Variants in MARF1 observed in about 807,000 individuals in gnomAD.
The protein encoded by MARF1 is limkain-b1.
A neutral mutation model predicts 168.2 loss-of-function variants in MARF1; 24 were observed. That is an observed-to-expected ratio of 0.14 (90% CI 0.10 to 0.20). The LOEUF (loss-of-function observed/expected upper bound fraction) is 0.20, where lower values mean the gene tolerates loss of function less well. MARF1 is among the 10% of genes least tolerant of loss of function. The pLI is 1.00. For synonymous variants in MARF1, 868 were observed against 822.4 expected (o/e 1.06, Z -0.95); for missense variants, 1,744 against 2,143.6 (o/e 0.81, Z 3.68).
At chr16:15,623,215 A>G (rs1466741167) in intron 10 of MARF1, 92 bp from the exon 11 acceptor site, 3 of 947,952 alleles carry the variant, frequency 3.2e-6, no homozygotes, top group Non-Finnish European at 4.3e-6. Flanking sequence ...CTATATACAG[A>G]AGCAGATTTT....
chr16:15,618,753 C>T (rs1161137541), intron 13 of MARF1, among the ~76,000 whole-genome samples: 2 of 152,310 alleles, frequency 1.3e-5, no homozygotes, highest in South Asian at 4.1e-4. Context: ...TACTTCTCTC[C>T]CAAAGAAGTC....
intron 11 of MARF1, 106 bp downstream of exon 11, chr16:15,622,828 G>T: frequency 1.1e-6 from 1 of 877,284 alleles, no homozygotes; most frequent in Non-Finnish European, 1.7e-6. Flanking sequence ...AACTTGTTCA[G>T]TCACACTTCT....
chr16:15,635,139 A>G, intron 3 of MARF1: 1 of 523,250 alleles, frequency 1.9e-6, no homozygotes, highest in South Asian at 3.2e-5. Context: ...CATGATCAAG[A>G]AAGATATTCA....
At position 15,600,468 on chromosome 16, in the gene MARF1, C is replaced by T. The variant is rs191368547; in HGVS notation, c.4773G>A (p.Ser1591=). The change falls in exon 25 of 27, where the codon TCG becomes TCA. Residue 1591 remains serine (S), a synonymous_variant. Coordinates refer to ENST00000396368, the MANE Select transcript of MARF1 (RefSeq NM_014647.4). ...EGERILEVPE[S]HTASELKLGA... is the part of the protein sequence containing the mutation. ...CAAGCTTGAGTTCCGAGGCTGTGTG[C>T]GATTCGGGCACCTCCAGGATGCGCT... 3.8e-4 allele frequency: 618 copies of T among 1,614,156 alleles called. No individual in the cohort carries two copies. The African/African-American group carries it at 7.2e-3, about 19-fold the overall frequency.
intron 15 of MARF1, 190 bp downstream of exon 15, chr16:15,616,862 C>G (rs775001636): frequency 1.6e-6 from 1 of 629,710 alleles, no homozygotes; most frequent in Non-Finnish European, 2.8e-6. Context: ...GACCACTGTC[C>G]TATATACAGT....
At chr16:15,621,647 T>A in intron 12 of MARF1, 86 bp downstream of exon 12, 2 of 1,273,182 alleles carry the variant, frequency 1.6e-6, no homozygotes, top group Non-Finnish European at 2.2e-6. Flanking sequence ...GGGGTGGGAA[T>A]GTGATTGAAT....
chr16:15,598,780 A>C (rs1433574974), intron 26 of MARF1, 74 bp downstream of exon 26: 7 of 1,418,424 alleles, frequency 4.9e-6, no homozygotes, highest in Non-Finnish European at 5.0e-6. Context: ...TCCGTCATTT[A>C]CTATATCAGT....
intron 21 of MARF1, among the ~76,000 whole-genome samples, chr16:15,606,930 C>A (rs1246226600): frequency 1.3e-5 from 2 of 152,196 alleles, no homozygotes; most frequent in African/African-American, 4.8e-5. Context: ...TCCAGATGAC[C>A]TGGGCCATTT....
rs1211385618 is a variant in MARF1, at chr16:15,636,121, A to AC, written c.365dup (p.Ser123Ter). On this transcript the variant is annotated frameshift_variant, in exon 3 of 27. Coordinates refer to ENST00000396368, the MANE Select transcript of MARF1 (RefSeq NM_014647.4). LOFTEE classifies it high-confidence loss of function. ...GAATCAAGCTACTGGTACCTCCGCT[A>AC]CCGCCACCACCACCACCAAAACGCA... 6.2e-7 allele frequency: 1 copy of AC among 1,613,958 alleles called. No individual in the cohort carries two copies. The highest frequency in any genetic ancestry group is 1.3e-5 in the African/African-American group (1 of 74,810).
chr16:15,601,482 A>T, intron 23 of MARF1: 1 of 219,440 alleles, frequency 4.6e-6, no homozygotes, highest in South Asian at 7.2e-5. Context: ...GCCCTCCCTA[A>T]CCGAGCTCTC....
chr16:15,601,364 G>C (rs1443809847), intron 23 of MARF1: 1 of 288,872 alleles, frequency 3.5e-6, no homozygotes, highest in African/African-American at 2.2e-5. Context: ...CTCCATGCCT[G>C]CTTCTCTCGG....
Position 15,633,791 on chromosome 16 carries a change from A to G in MARF1, c.1059T>C (p.Ile353=). 1.2e-6 allele frequency: 2 copies of G among 1,614,046 alleles called. No individual in the cohort carries two copies. The highest frequency in any genetic ancestry group is 1.7e-6 in the Non-Finnish European group (2 of 1,179,990). The part of the protein sequence containing the change: ...AGQVLENLPP[I]GVFWDIENCS... ...AGTTTTCAATATCCCAAAAAACTCC[A>G]ATGGGGGGTAAGTTTTCTAGCACCT... The change falls in exon 5 of 27, where the codon ATT becomes ATC. Residue 353 remains isoleucine (I), a synonymous_variant. Coordinates refer to ENST00000396368, the MANE Select transcript of MARF1 (RefSeq NM_014647.4).
intron 7 of MARF1, among the ~76,000 whole-genome samples, chr16:15,626,709 C>CA (rs2034870887): frequency 6.6e-6 from 1 of 152,104 alleles, no homozygotes; most frequent in Non-Finnish European, 1.5e-5. Flanking sequence ...CCTGTCATCG[C>CA]AACACTCTGG....
In MARF1 at chr16:15,621,928, G is replaced by A. The variant is rs759194569; in HGVS notation, c.2461-17C>T. On this transcript the variant is annotated splice_polypyrimidine_tract_variant and intron_variant, in intron 11 of 26. Coordinates refer to ENST00000396368, the MANE Select transcript of MARF1 (RefSeq NM_014647.4). ...ACTCTTCACCTACAACAGGAAAAGC[G>A]AAAACTAAACGCTATGTCCGCCCAG... 22 of 1,609,574 alleles carry A rather than the reference G, an allele frequency of 1.4e-5. No homozygotes were observed. The highest frequency in any genetic ancestry group is 6.7e-5 in the East Asian group (3 of 44,830).
chr16:15,639,268 TTTC>T lies in MARF1; in HGVS notation c.-38_-36del. On this transcript the variant is annotated 5_prime_UTR_variant, in exon 2 of 27. Transcript: ENST00000396368. ...CAAAGTGATTCAACATCCTTTCATC[TTTC>T]TTTTCTTTCATTCTTCCACCCTGTT... 1 of 1,590,818 alleles carries T rather than the reference TTTC, an allele frequency of 6.3e-7. No individual in the cohort carries two copies. The highest frequency in any genetic ancestry group is 8.6e-7 in the Non-Finnish European group (1 of 1,168,132).
At chr16:15,622,548 C>T (rs868805474) in intron 11 of MARF1, among the ~76,000 whole-genome samples, 6 of 152,108 alleles carry the variant, frequency 3.9e-5, no homozygotes, top group African/African-American at 1.2e-4. Context: ...TGCACCACCA[C>T]GCCCGGCTAA....
chr16:15,597,404 C>G (rs1258347407), intron 26 of MARF1, among the ~76,000 whole-genome samples: 1 of 152,162 alleles, frequency 6.6e-6, no homozygotes, highest in Non-Finnish European at 1.5e-5. Flanking sequence ...CCCCATGGGT[C>G]TATTACCGGG....
At chr16:15,611,911 A>G (rs1054946651) in intron 17 of MARF1, among the ~76,000 whole-genome samples, 177 bp from the exon 18 acceptor site, 2 of 152,218 alleles carry the variant, frequency 1.3e-5, no homozygotes, top group Non-Finnish European at 2.9e-5. Context: ...ACAAATGTCC[A>G]AGGCCTTCTG....
chr16:15,616,956 G>T (rs2034100422), intron 15 of MARF1, 96 bp downstream of exon 15: 1 of 1,435,676 alleles, frequency 7.0e-7, no homozygotes, highest in Non-Finnish European at 9.5e-7. Flanking sequence ...GCATTGTAGA[G>T]TACTTATTTG....
Sources: allele counts gnomAD v4.1 joint callset (sites outside exome capture counted in the v4.1 genomes callset), GRCh38; gene constraint gnomAD v4.1.1; transcripts MANE v1.5; gene names NCBI Gene and HGNC (gene_info 2026-07-23, HGNC 2026-07-21).